The following CRIM1 variants were observed in gnomAD, a reference collection of about 807,000 sequenced individuals.
The protein encoded by CRIM1 is cysteine-rich motor neuron 1 protein.
A neutral mutation model predicts 116.4 loss-of-function variants in CRIM1; 32 were observed. The ratio of observed to expected loss-of-function variants is 0.27; its 90% CI spans 0.21 to 0.37. The LOEUF (loss-of-function observed/expected upper bound fraction) is 0.37, where lower values mean the gene tolerates loss of function less well. CRIM1 is among the 10% of genes least tolerant of loss of function. CRIM1 has a pLI of 1.00. For synonymous variants in CRIM1, 590 were observed against 509.2 expected (o/e 1.16, Z -2.13); for missense variants, 1,331 against 1,354.8 (o/e 0.98, Z 0.28).
intron 14 of CRIM1, among the ~76,000 whole-genome samples, chr2:36,543,584 A>G (rs1046222472): frequency 1.3e-5 from 2 of 152,198 alleles, no homozygotes; most frequent in Admixed American, 1.3e-4. Context: ...CATTTTGAAA[A>G]CAGGTTCTGA....
At chr2:36,517,620 G>C in intron 12 of CRIM1, 78 bp downstream of exon 12, 1 of 1,444,740 alleles carries the variant, frequency 6.9e-7, no homozygotes, top group East Asian at 2.4e-5. Context: ...GGGACCCACA[G>C]GGCAGGATCA....
At chr2:36,535,414 A>T (rs1305992897) in intron 13 of CRIM1, among the ~76,000 whole-genome samples, 1 of 152,224 alleles carries the variant, frequency 6.6e-6, no homozygotes, top group Non-Finnish European at 1.5e-5. Context: ...AAAGCCTCCA[A>T]ATGAGTTTTT....
intron 1 of CRIM1, among the ~76,000 whole-genome samples, chr2:36,366,267 A>C (rs576250426): frequency 6.6e-6 from 1 of 152,264 alleles, no homozygotes; most frequent in East Asian, 1.9e-4. Context: ...TCTTCCAGAA[A>C]CTACTTTAGT....
intron 2 of CRIM1, among the ~76,000 whole-genome samples, chr2:36,424,809 G>T (rs1674330069): frequency 6.6e-6 from 1 of 152,052 alleles, no homozygotes. Context: ...CACTTACACT[G>T]ATTTGATCTT....
intron 2 of CRIM1, among the ~76,000 whole-genome samples, chr2:36,426,112 T>G (rs997848180): frequency 6.6e-6 from 1 of 152,212 alleles, no homozygotes; most frequent in African/African-American, 2.4e-5. Flanking sequence ...GATGATTCTT[T>G]ACCAAAAAAC....
chr2:36,398,638 A>G (rs1572643418), intron 2 of CRIM1, among the ~76,000 whole-genome samples: 1 of 152,296 alleles, frequency 6.6e-6, no homozygotes, highest in Non-Finnish European at 1.5e-5. Context: ...TTATTATTTC[A>G]GATGGCTTCT....
At chr2:36,433,303 GCAT>G in intron 2 of CRIM1, among the ~76,000 whole-genome samples, 1 of 152,292 alleles carries the variant, frequency 6.6e-6, no homozygotes, top group South Asian at 2.1e-4. Flanking sequence ...CTAATCTAAA[GCAT>G]CATTATGAAT....
At chr2:36,360,332 C>G (rs1290620022) in intron 1 of CRIM1, among the ~76,000 whole-genome samples, 4 of 152,188 alleles carry the variant, frequency 2.6e-5, no homozygotes, top group South Asian at 2.1e-4. Flanking sequence ...GTATTAGATT[C>G]AGGTGATAGC....
At position 36,499,296 on chromosome 2, in the gene CRIM1, A is replaced by G. The variant is rs781425552; in HGVS notation, c.1450A>G (p.Asn484Asp). 2 of 1,614,072 alleles carry G rather than the reference A, an allele frequency of 1.2e-6. No homozygotes were observed. Among genetic ancestry groups the G allele is most frequent in the Non-Finnish European group, 1.7e-6 (2 of 1,179,940 alleles). ...CACTCTGACAGGGAAGGACTGCATT[A>G]ATGGTTTCAAACGCGATCACAATGG... ...NCTLTGKDCI[N>D]GFKRDHNGCR... is the part of the protein sequence containing the mutation. The change falls in exon 8 of 17, where the codon AAT becomes GAT. Residue 484 changes from asparagine to aspartate, a missense_variant. Physicochemically the swap from Asn to Asp is conservative, Grantham distance 23. Transcript: ENST00000280527.
intron 1 of CRIM1, among the ~76,000 whole-genome samples, chr2:36,382,270 A>T (rs906629096): frequency 1.3e-5 from 2 of 152,220 alleles, no homozygotes; most frequent in Non-Finnish European, 2.9e-5. Context: ...ATTAAATTCC[A>T]TGCTCTTGGG....
chr2:36,423,175 C>T (rs758267617), intron 2 of CRIM1, among the ~76,000 whole-genome samples: 3 of 152,074 alleles, frequency 2.0e-5, no homozygotes, highest in South Asian at 2.1e-4. Flanking sequence ...TAAATTTAGG[C>T]AGTTTGTTTT....
chr2:36,368,481 G>A (rs1484311151), intron 1 of CRIM1, among the ~76,000 whole-genome samples: 2 of 152,214 alleles, frequency 1.3e-5, no homozygotes, highest in Non-Finnish European at 2.9e-5. Flanking sequence ...TGAACCTGCG[G>A]CTCTAAAACT....
At chr2:36,505,351 T>C (rs848528) in intron 8 of CRIM1, among the ~76,000 whole-genome samples, 14,525 of 151,110 alleles carry the variant, frequency 0.096, 1,138 homozygotes, top group East Asian at 0.29. Flanking sequence ...CTAATTGATA[T>C]AAACAAGAGT....
At chr2:36,430,177 CTG>C (rs889811672) in intron 2 of CRIM1, among the ~76,000 whole-genome samples, 7 of 152,178 alleles carry the variant, frequency 4.6e-5, no homozygotes, top group African/African-American at 1.4e-4. Flanking sequence ...CCCATACTGA[CTG>C]TGATGAACAG....
intron 1 of CRIM1, among the ~76,000 whole-genome samples, chr2:36,395,494 C>A (rs998414467): frequency 2.0e-5 from 3 of 152,106 alleles, no homozygotes; most frequent in African/African-American, 7.2e-5. Context: ...TGAAAAAACC[C>A]CATATAATGG....
At chr2:36,399,503 A>G (rs1269047462) in intron 2 of CRIM1, among the ~76,000 whole-genome samples, 1 of 152,226 alleles carries the variant, frequency 6.6e-6, no homozygotes, top group Non-Finnish European at 1.5e-5. Context: ...AAAATTACAC[A>G]AAGATGATTC....
chr2:36,431,600 A>G (rs777198189), intron 2 of CRIM1, among the ~76,000 whole-genome samples: 6 of 152,172 alleles, frequency 3.9e-5, no homozygotes, highest in South Asian at 4.1e-4. Flanking sequence ...CACACTTTCT[A>G]CTACACTACT....
chr2:36,407,046 A>C (rs1220015001), intron 2 of CRIM1, among the ~76,000 whole-genome samples: 3 of 152,090 alleles, frequency 2.0e-5, no homozygotes, highest in Non-Finnish European at 4.4e-5. Flanking sequence ...TGGGTCAGGG[A>C]TCTCATTATC....
intron 15 of CRIM1, among the ~76,000 whole-genome samples, chr2:36,544,842 G>A (rs1006829265): frequency 6.6e-6 from 1 of 152,140 alleles, no homozygotes; most frequent in Non-Finnish European, 1.5e-5. Flanking sequence ...ACTTTGTAAG[G>A]AGAGTAATCA....
Sources: gnomAD v4.1 joint callset for allele counts (sites outside exome capture counted in the v4.1 genomes callset) on GRCh38, gnomAD v4.1.1 for gene constraint, MANE v1.5 for transcripts, NCBI Gene and HGNC (gene_info 2026-07-23, HGNC 2026-07-21) for gene names.